NARS1: variants seen among roughly 807,000 people sequenced by gnomAD.
The protein encoded by NARS1 is asparaginyl-tRNA synthetase 1.
Under a neutral mutation model 79.2 loss-of-function variants are expected in NARS1, and 65 were observed. That is an observed-to-expected ratio of 0.82 (90% CI 0.67 to 1.01). The LOEUF (loss-of-function observed/expected upper bound fraction) is 1.01. Ranked by LOEUF, NARS1 falls within the 50% of genes least tolerant of loss-of-function variation. The pLI is 0.00. For missense variants in NARS1, 649 were observed against 673.8 expected, an observed-to-expected ratio of 0.96 and a Z score of 0.41; for synonymous variants, 229 against 238.8, an observed-to-expected ratio of 0.96 and a Z score of 0.38.
At position 57,607,437 on chromosome 18, in the gene NARS1, T is replaced by C. The variant is rs371544855; in HGVS notation, c.801+7A>G. Reference sequence around the variant, plus strand: ...TTCTTTGCAAAAGCTGACGAATGCATACTTACTTCATAGTACCCCCTATCA... The same window carrying C: ...TTCTTTGCAAAAGCTGACGAATGCACACTTACTTCATAGTACCCCCTATCA... On this transcript the variant is annotated splice_region_variant and intron_variant, in intron 8 of 13. Coordinates refer to ENST00000256854, the MANE Select transcript of NARS1 (RefSeq NM_004539.4). The C allele has an allele frequency of 3.1e-6, 5 of 1,613,442 alleles. No homozygotes were observed. The highest frequency in any genetic ancestry group is 4.2e-6 in the Non-Finnish European group (5 of 1,179,388).
intron 6 of NARS1, among the ~76,000 whole-genome samples, chr18:57,610,366 G>A (rs1210389902): frequency 1.3e-5 from 2 of 152,170 alleles, no homozygotes; most frequent in Non-Finnish European, 2.9e-5. Context: ...CAGCTACTCG[G>A]GAGGCTGAAG....
At chr18:57,613,164 T>C (rs1311635867) in intron 5 of NARS1, among the ~76,000 whole-genome samples, 4 of 151,194 alleles carry the variant, frequency 2.6e-5, no homozygotes, top group Non-Finnish European at 5.9e-5. Flanking sequence ...GGCAGGAGGA[T>C]GGCTGGGGGG....
chr18:57,602,669 G>A (rs1599030306), intron 12 of NARS1, 143 bp downstream of exon 12: 1 of 1,216,038 alleles, frequency 8.2e-7, no homozygotes, highest in East Asian at 2.5e-5. Context: ...AATCAGGGGA[G>A]GGTGAAAAAA....
At chr18:57,621,643 C>G in intron 1 of NARS1, 65 bp downstream of exon 1, 7 of 1,384,388 alleles carry the variant, frequency 5.1e-6, no homozygotes, top group Admixed American at 3.7e-5. Flanking sequence ...AGCGCCGAAA[C>G]CCGACTGGAG....
At chr18:57,602,970 A>T (rs1462386608) in intron 11 of NARS1, 27 bp from the exon 12 acceptor site, 23 of 1,613,008 alleles carry the variant, frequency 1.4e-5, no homozygotes, top group Non-Finnish European at 1.9e-5. Context: ...CTTCATTAAC[A>T]TTTACAACTT....
intron 13 of NARS1, among the ~76,000 whole-genome samples, 160 bp from the exon 14 acceptor site, chr18:57,601,943 A>G (rs187427751): frequency 1.3e-5 from 2 of 152,314 alleles, no homozygotes; most frequent in East Asian, 3.9e-4. Flanking sequence ...CCCAGCACTT[A>G]ATCTCTATGC....
At chr18:57,611,554 G>A in intron 6 of NARS1, 83 bp downstream of exon 6, 1 of 921,820 alleles carries the variant, frequency 1.1e-6, no homozygotes, top group African/African-American at 1.8e-5. Flanking sequence ...CATAATAAAT[G>A]TTTTAAATAA....
chr18:57,610,616 A>G (rs1017591645), intron 6 of NARS1, among the ~76,000 whole-genome samples: 4 of 152,338 alleles, frequency 2.6e-5, no homozygotes, highest in African/African-American at 9.6e-5. Context: ...AAATGCAGAC[A>G]CTAGAAGAAC....
At chr18:57,601,890 AAGAATT>A (rs768213821) in intron 13 of NARS1, 107 bp from the exon 14 acceptor site, 18 of 1,235,032 alleles carry the variant, frequency 1.5e-5, no homozygotes, top group Non-Finnish European at 2.1e-5. Context: ...CACTGTGGTT[AAGAATT>A]CAACTATGGC....
Position 57,606,668 on chromosome 18 carries a change from A to G in NARS1, c.1085T>C (p.Val362Ala). 6.2e-7 allele frequency: 1 copy of G among 1,614,046 alleles called. No individual in the cohort carries two copies. The highest frequency in any genetic ancestry group is 8.5e-7 in the Non-Finnish European group (1 of 1,179,976). Residue 362 changes from valine (V) to alanine (A), a missense_variant, in exon 10 of 14, where the codon GTA becomes GCA. Physicochemically the swap from Val to Ala is moderately conservative, Grantham distance 64 (BLOSUM62 0). Coordinates refer to ENST00000256854, the MANE Select transcript of NARS1 (RefSeq NM_004539.4). ...NRLEDLVCDV[V>A]DRILKSPAGS... ...TGCAGGTGACTTCAATATTCGATCT[A>G]CCACATCACAAACCAAGTCCTCCAA...
At chr18:57,607,791 A>C in intron 7 of NARS1, 126 bp from the exon 8 acceptor site, 2 of 727,806 alleles carry the variant, frequency 2.7e-6, no homozygotes, top group Non-Finnish European at 4.4e-6. Flanking sequence ...CCTAATTCTC[A>C]GCTTTAGTTT....
At chr18:57,607,747 C>A in intron 7 of NARS1, 82 bp from the exon 8 acceptor site, 1 of 1,209,734 alleles carries the variant, frequency 8.3e-7, no homozygotes, top group South Asian at 1.6e-5. Context: ...TAATTTATGT[C>A]AAAGTTTTGG....
Position 57,601,594 on chromosome 18 carries a change from C to T in NARS1, c.*58G>A. 2.0e-6 allele frequency: 3 copies of T among 1,490,938 alleles called. No individual in the cohort carries two copies. The highest frequency in any genetic ancestry group is 1.4e-5 in the African/African-American group (1 of 71,126). The allele number at this position is 1,490,938 out of a possible 1,614,324, so 92.4% of individuals were successfully genotyped here. On this transcript the variant is annotated 3_prime_UTR_variant, in exon 14 of 14. Coordinates refer to ENST00000256854, the MANE Select transcript of NARS1 (RefSeq NM_004539.4). ...AAGGAAGATTCTGGCTTTTTGTTTT[C>T]TTTTTTAAAGAGCCTGTTCCTTTCA...
chr18:57,608,298 A>G (rs2051577537), intron 7 of NARS1, among the ~76,000 whole-genome samples: 1 of 151,968 alleles, frequency 6.6e-6, no homozygotes, highest in Non-Finnish European at 1.5e-5. Flanking sequence ...AAAATACAAA[A>G]TATTAGCCAG....
rs2051562150 is a variant in NARS1, at chr18:57,606,849, A to G, written c.1002-98T>C. On this transcript the variant is annotated intron_variant, in intron 9 of 13. Transcript: ENST00000256854. ...TTGGGAAGCTGTCCATAAAATGCCA[A>G]CAATGCTACCAATTCCCAACTTTGC... 4 of 1,506,352 alleles carry G rather than the reference A, an allele frequency of 2.7e-6. No homozygotes were observed. The African/African-American group carries it at 4.2e-5, about 16-fold the overall frequency. 93.3% of individuals were successfully genotyped at this position (1,506,352 alleles called of 1,614,324 possible). A position where few individuals can be genotyped will look rare whatever the true frequency, so the allele number is the denominator to read the frequency against.
chr18:57,609,905 G>C (rs2051591256), intron 6 of NARS1, among the ~76,000 whole-genome samples: 1 of 151,802 alleles, frequency 6.6e-6, no homozygotes, highest in African/African-American at 2.4e-5. Context: ...AAATTGGCTG[G>C]GTGTGGTGGT....
At chr18:57,612,817 A>G (rs1194011599) in intron 5 of NARS1, among the ~76,000 whole-genome samples, 1 of 152,174 alleles carries the variant, frequency 6.6e-6, no homozygotes, top group Non-Finnish European at 1.5e-5. Context: ...TAAAATATAT[A>G]ATAAAAGGGG....
Position 57,621,727 on chromosome 18 carries a change from G to A in NARS1, c.-10C>T, listed in dbSNP as rs374013595. 5 of 1,613,794 alleles carry A rather than the reference G, an allele frequency of 3.1e-6. No individual in the cohort carries two copies. Among genetic ancestry groups the A allele is most frequent in the South Asian group, 2.2e-5 (2 of 91,084 alleles). ...ACCCACCTAGCACCATGCCTGCAGT[G>A]GCCCTGGTCACCTCCAAGGACACAG... is the stretch of plus-strand genomic sequence containing the variant. On this transcript the variant is annotated 5_prime_UTR_variant, in exon 1 of 14. Coordinates refer to ENST00000256854, the MANE Select transcript of NARS1 (RefSeq NM_004539.4).
chr18:57,613,658 C>T lies in NARS1; in HGVS notation c.365G>A (p.Gly122Glu), dbSNP rs1232030992. 3 of 1,614,112 alleles carry T rather than the reference C, an allele frequency of 1.9e-6. No individual in the cohort carries two copies. The highest frequency in any genetic ancestry group is 3.3e-5 in the Admixed American group (2 of 60,022). ...CACCTTTACTCTTTGGCCTCTATATCCTTCTAACGCACCAATCTTCACCTG... is the reference window on the plus strand; with the variant it reads ...CACCTTTACTCTTTGGCCTCTATATTCTTCTAACGCACCAATCTTCACCTG... ...PKCVKIGALE[G>E]YRGQRVKVFG... is the part of the protein sequence containing the mutation. Residue 122 changes from glycine (G) to glutamate (E), a missense_variant, in exon 5 of 14, where the codon GGA (glycine) becomes GAA (glutamate). Gly to Glu is a moderately conservative substitution (Grantham distance 98). Transcript: ENST00000256854.
Sources: gnomAD v4.1 joint callset for allele counts (sites outside exome capture counted in the v4.1 genomes callset) on GRCh38, gnomAD v4.1.1 for gene constraint, MANE v1.5 for transcripts, NCBI Gene and HGNC (gene_info 2026-07-23, HGNC 2026-07-21) for gene names.